The following SLC14A2 variants were observed in gnomAD, a reference collection of about 807,000 sequenced individuals.
The protein encoded by SLC14A2 is urea transporter 2.
In SLC14A2, 91 loss-of-function variants were observed where a neutral mutation model predicts 104.6. The observed-to-expected ratio is 0.87, with a 90% CI of 0.73 to 1.04. The LOEUF is 1.04. Among genes scored for constraint, SLC14A2 ranks in the 50% least tolerant of loss-of-function variants. SLC14A2 has a pLI of 0.00. For missense variants in SLC14A2, 1,189 were observed against 1,156.0 expected (o/e 1.03, Z -0.41); for synonymous variants, 476 against 466.4 (o/e 1.02, Z -0.27).
chr18:45,232,035 G>GT (rs1385268594), intron 1 of SLC14A2, among the ~76,000 whole-genome samples: 1 of 143,888 alleles, frequency 6.9e-6, no homozygotes, highest in Admixed American at 6.9e-5. Context: ...CATTGCAATA[G>GT]TAAAAAAAAA....
chr18:45,411,111 G>T (rs149200977), intron 1 of SLC14A2, among the ~76,000 whole-genome samples: 1 of 152,156 alleles, frequency 6.6e-6, no homozygotes, highest in Non-Finnish European at 1.5e-5. Context: ...ATTCCCTTAC[G>T]AGCAATAGTT....
chr18:45,461,952 G>A (rs965139515), intron 1 of SLC14A2, among the ~76,000 whole-genome samples: 12 of 152,174 alleles, frequency 7.9e-5, no homozygotes, highest in Non-Finnish European at 1.5e-4. Context: ...AAGGGAAGAC[G>A]TGGTAGGAGG....
intron 1 of SLC14A2, among the ~76,000 whole-genome samples, chr18:45,463,313 C>G (rs560831951): frequency 2.5e-4 from 38 of 152,318 alleles, no homozygotes; most frequent in Non-Finnish European, 4.6e-4. Context: ...CGACACCCAG[C>G]AGCTTGACCC....
At chr18:45,186,709 G>T in the SLC14A2 span, among the ~76,000 whole-genome samples, 1 of 152,270 alleles carries the variant, frequency 6.6e-6, no homozygotes, top group African/African-American at 2.4e-5. Context: ...CTGCTTAACT[G>T]GAGTATACAC....
intron 2 of SLC14A2, among the ~76,000 whole-genome samples, chr18:45,597,997 G>A (rs557912105): frequency 1.6e-4 from 24 of 152,288 alleles, no homozygotes; most frequent in African/African-American, 5.5e-4. Flanking sequence ...GGGTTGTGGG[G>A]AGGTGCAGGC....
intron 1 of SLC14A2, among the ~76,000 whole-genome samples, chr18:45,618,108 G>C (rs911136614): frequency 1.3e-5 from 2 of 152,158 alleles, no homozygotes; most frequent in African/African-American, 4.8e-5. Context: ...AAGCAGGGCT[G>C]TTCTCAACAA....
intron 1 of SLC14A2, among the ~76,000 whole-genome samples, chr18:45,359,874 G>T (rs1219057418): frequency 3.3e-5 from 5 of 152,234 alleles, no homozygotes. Context: ...TTTCTGGACA[G>T]AAACAGAGCT....
the SLC14A2 span, among the ~76,000 whole-genome samples, chr18:45,175,924 G>C: frequency 6.6e-6 from 1 of 152,104 alleles, no homozygotes; most frequent in Non-Finnish European, 1.5e-5. Flanking sequence ...TCAAGTATCT[G>C]GTCAAATAAA....
At chr18:45,502,027 GC>G (rs976131816) in intron 2 of SLC14A2, among the ~76,000 whole-genome samples, 7 of 152,186 alleles carry the variant, frequency 4.6e-5, no homozygotes, top group African/African-American at 1.7e-4. Flanking sequence ...GCTTAGAGGA[GC>G]ATAGAACTCA....
rs918966480 is a variant in SLC14A2 at position 45,247,648 on chromosome 18, A to T, written c.-125+34457A>T. Among the ~76,000 whole-genome samples the T allele has an allele frequency of 4.6e-5, 7 of 151,912 alleles. No individual in the cohort carries two copies. In the East Asian group the frequency reaches 1.3e-3, roughly 29 times the overall value. On this transcript the variant is annotated intron_variant, in intron 1 of 20. Transcript: ENST00000586448. ...TCTCACCCCCTGAACAAACTGGACC[A>T]ATTATAGAATCTTAGCCTGCTGACA...
rs548602954 is a variant in SLC14A2 at position 45,424,896 on chromosome 18, T to C, written c.-124-58337T>C. On this transcript the variant is annotated intron_variant, in intron 1 of 20. Coordinates refer to the SLC14A2 transcript ENST00000586448. ...TATTTAAAAACCATTACCTCATTTT[T>C]ATCCTGCTGAAGGCCTGTCAGTTGG... 2.0e-4 allele frequency among the ~76,000 whole-genome samples: 30 copies of C among 152,332 alleles called. No homozygotes were observed. In the South Asian group the frequency reaches 6.0e-3, roughly 31 times the overall value.
chr18:45,358,964 C>T (rs2085583285), intron 1 of SLC14A2, among the ~76,000 whole-genome samples: 1 of 152,194 alleles, frequency 6.6e-6, no homozygotes, highest in Non-Finnish European at 1.5e-5. Flanking sequence ...CAGATCCAAA[C>T]CTGACTTCTA....
chr18:45,219,511 G>A (rs527566373), intron 1 of SLC14A2, among the ~76,000 whole-genome samples: 4 of 152,274 alleles, frequency 2.6e-5, no homozygotes, highest in African/African-American at 9.6e-5. Context: ...GGAGGTGAAA[G>A]GCGAACGGTT....
intron 1 of SLC14A2, among the ~76,000 whole-genome samples, chr18:45,455,300 G>C (rs1482797800): frequency 6.6e-6 from 1 of 152,150 alleles, no homozygotes; most frequent in Non-Finnish European, 1.5e-5. Flanking sequence ...ATACACCATG[G>C]AATACTATGC....
chr18:45,667,109 G>GAAC lies in SLC14A2; in HGVS notation c.1717+20_1717+22dup, dbSNP rs761125026. On this transcript the variant is annotated intron_variant, in intron 13 of 19. Coordinates refer to ENST00000255226, the MANE Select transcript of SLC14A2 (RefSeq NM_007163.4). ...GGGACTTAAAGGTAAAATTCTATGAGAACAACACTGACCCTGACCCTAAAA... is the reference window on the plus strand; with the variant it reads ...GGGACTTAAAGGTAAAATTCTATGAGAACAACAACACTGACCCTGACCCTAAAA... The GAAC allele has an allele frequency of 1.9e-6, 3 of 1,607,492 alleles. No individual in the cohort carries two copies. Among genetic ancestry groups the GAAC allele is most frequent in the Non-Finnish European group, 2.6e-6 (3 of 1,176,346 alleles).
At position 45,542,035 on chromosome 18, in the gene SLC14A2, G is replaced by GTTTTTTTTTTTTTTTTT. The variant is rs60977948; in HGVS notation, c.-35+58734_-35+58750dup. ...GGGCTTGTTAGATGAAAGAGAGAGGGTTTTTTTTTTTTTTTTTTTTTTTTT... is the reference window on the plus strand; with the variant it reads ...GGGCTTGTTAGATGAAAGAGAGAGGGTTTTTTTTTTTTTTTTTTTTTTTTTTTTTTTTTTTTTTTTTT... On this transcript the variant is annotated intron_variant, in intron 2 of 20. Coordinates refer to the SLC14A2 transcript ENST00000586448. 1.8e-4 allele frequency among the ~76,000 whole-genome samples: 10 copies of GTTTTTTTTTTTTTTTTT among 54,236 alleles called. 2 individuals are homozygous for GTTTTTTTTTTTTTTTTT. Among genetic ancestry groups the GTTTTTTTTTTTTTTTTT allele is most frequent in the Non-Finnish European group, 3.0e-4 (8 of 27,024 alleles). 35.6% of individuals were successfully genotyped at this position (54,236 alleles called of 152,430 possible). A position where few individuals can be genotyped will look rare whatever the true frequency, so the allele number is the denominator to read the frequency against.
chr18:45,571,106 T>G (rs1422594211), intron 2 of SLC14A2, among the ~76,000 whole-genome samples: 1 of 152,212 alleles, frequency 6.6e-6, no homozygotes, highest in African/African-American at 2.4e-5. Flanking sequence ...CCTGTGCCTT[T>G]GGGGCACTTC....
intron 1 of SLC14A2, among the ~76,000 whole-genome samples, chr18:45,429,548 A>T (rs8091270): frequency 0.56 from 85,822 of 152,062 alleles, 24,375 homozygotes; most frequent in Admixed American, 0.69. Context: ...TTGTCAAATA[A>T]CTGTGATATG....
rs1321713891 is a variant in SLC14A2, at chr18:45,315,607, C to T, written c.-125+102416C>T. The stretch of plus-strand genomic sequence containing the variant: ...GTTGTGTCTCAGAACCATCCCATCC[C>T]ATCCCATGGCCCAGTAATACATGAG... On this transcript the variant is annotated intron_variant, in intron 1 of 20. Coordinates refer to the SLC14A2 transcript ENST00000586448. 1.3e-5 allele frequency among the ~76,000 whole-genome samples: 2 copies of T among 152,128 alleles called. 1 individual carries two copies. Among genetic ancestry groups the T allele is most frequent in the African/African-American group, 4.8e-5 (2 of 41,432 alleles).
Sources: gnomAD v4.1 joint callset for allele counts (sites outside exome capture counted in the v4.1 genomes callset) on GRCh38, gnomAD v4.1.1 for gene constraint, MANE v1.5 for transcripts, NCBI Gene and HGNC (gene_info 2026-07-23, HGNC 2026-07-21) for gene names.